The following MAP2K5 variants were observed in gnomAD, a reference collection of about 807,000 sequenced individuals.
MAP2K5 encodes the protein mitogen-activated protein kinase kinase 5, also known as dual specificity mitogen-activated protein kinase kinase 5.
A neutral mutation model predicts 83.1 loss-of-function variants in MAP2K5; 49 were observed. The observed-to-expected ratio is 0.59, with a 90% CI of 0.47 to 0.75. The LOEUF is 0.75. MAP2K5 is among the 30% of genes least tolerant of loss of function. The pLI is 0.00. For missense variants in MAP2K5, 457 were observed against 557.5 expected (o/e 0.82, Z 1.82); for synonymous variants, 202 against 191.8 (o/e 1.05, Z -0.44).
At chr15:67,628,570 G>A in intron 8 of MAP2K5, 1 of 1,198,552 alleles carries the variant, frequency 8.3e-7, no homozygotes, top group South Asian at 1.2e-5. Flanking sequence ...TGAAGTGATT[G>A]AAATCATGAC....
At chr15:67,692,231 T>C (rs1162866561) in intron 13 of MAP2K5, among the ~76,000 whole-genome samples, 1 of 152,210 alleles carries the variant, frequency 6.6e-6, no homozygotes, top group East Asian at 1.9e-4. Flanking sequence ...AAGGTTTGAT[T>C]TCACTGTCAC....
intron 13 of MAP2K5, among the ~76,000 whole-genome samples, chr15:67,678,821 G>A (rs1314784792): frequency 6.6e-6 from 1 of 151,986 alleles, no homozygotes; most frequent in Non-Finnish European, 1.5e-5. Flanking sequence ...AAAATTAGCG[G>A]GGCATGGTGG....
chr15:67,692,412 G>T (rs1783526615), intron 13 of MAP2K5, 67 bp from the exon 14 acceptor site: 2 of 1,086,640 alleles, frequency 1.8e-6, no homozygotes, highest in East Asian at 2.4e-5. Flanking sequence ...GTGCATGTGT[G>T]CTTTTAAAGA....
At chr15:67,699,789 T>C (rs1263682658) in intron 15 of MAP2K5, among the ~76,000 whole-genome samples, 1 of 152,154 alleles carries the variant, frequency 6.6e-6, no homozygotes, top group Non-Finnish European at 1.5e-5. Context: ...ACATAGTAGA[T>C]TTTTAAAGTC....
At chr15:67,632,374 A>G (rs1297269751) in intron 9 of MAP2K5, among the ~76,000 whole-genome samples, 1 of 152,230 alleles carries the variant, frequency 6.6e-6, no homozygotes, top group Non-Finnish European at 1.5e-5. Flanking sequence ...TCCTGGGATT[A>G]TAGGCATGAG....
At chr15:67,548,681 T>G (rs1357933967) in intron 1 of MAP2K5, among the ~76,000 whole-genome samples, 1 of 152,228 alleles carries the variant, frequency 6.6e-6, no homozygotes, top group Non-Finnish European at 1.5e-5. Context: ...GGATTGCCTG[T>G]GTGCTTTATT....
At chr15:67,643,499 T>C (rs2086762881) in intron 9 of MAP2K5, among the ~76,000 whole-genome samples, 1 of 152,186 alleles carries the variant, frequency 6.6e-6, no homozygotes, top group Admixed American at 6.5e-5. Context: ...CAGACTGGTG[T>C]GCAGTGGCGT....
In MAP2K5 at chr15:67,652,237, T is replaced by A. The variant is rs868797378; in HGVS notation, c.736+5768T>A. On this transcript the variant is annotated intron_variant, in intron 11 of 21. Transcript: ENST00000178640. The surrounding 1 kb of genome is among the most constrained non-coding windows in gnomAD (Gnocchi z 4.2). ...GTGTGTCATTAGTGCGTGTTTTTTT[T>A]AAATTATGATATAATACTCATACAA... is the stretch of plus-strand genomic sequence containing the variant. Among the ~76,000 whole-genome samples, 8 of 152,230 alleles carry A rather than the reference T, an allele frequency of 5.3e-5. No individual in the cohort carries two copies. In the South Asian group the frequency reaches 1.0e-3, roughly 20 times the overall value.
intron 2 of MAP2K5, among the ~76,000 whole-genome samples, chr15:67,551,305 A>G (rs1206945297): frequency 6.6e-6 from 1 of 152,198 alleles, no homozygotes; most frequent in African/African-American, 2.4e-5. Flanking sequence ...AATGCCCATC[A>G]AACAAAGTGT....
chr15:67,788,997 G>A (rs562857738), intron 21 of MAP2K5, among the ~76,000 whole-genome samples: 1 of 151,260 alleles, frequency 6.6e-6, no homozygotes, highest in South Asian at 2.1e-4. Context: ...AAATTACACA[G>A]TACAGAAGGA....
Position 67,685,366 on chromosome 15 carries a change from A to G in MAP2K5, c.848-7113A>G, listed in dbSNP as rs546319061. Among the ~76,000 whole-genome samples the G allele has an allele frequency of 2.0e-5, 3 of 152,338 alleles. No individual in the cohort carries two copies. The South Asian group carries it at 6.2e-4, about 32-fold the overall frequency. ...TGCCCAGCAAATACATTTTCCAAAA[A>G]TAAACAGCTAAATAAAGACTTTTTC... On this transcript the variant is annotated intron_variant, in intron 13 of 21. Coordinates refer to ENST00000178640, the MANE Select transcript of MAP2K5 (RefSeq NM_145160.3).
At position 67,600,716 on chromosome 15, in the gene MAP2K5, C is replaced by T. The variant is rs751430797; in HGVS notation, c.512C>T (p.Thr171Ile). 3.7e-6 allele frequency: 6 copies of T among 1,608,884 alleles called. No homozygotes were observed. Among genetic ancestry groups the T allele is most frequent in the South Asian group, 1.1e-5 (1 of 90,390 alleles). ...GAACAAGACATACGATATCGGGACA[C>T]TCTTGGTCATGGCAACGGAGGCACA... Reference protein sequence around the residue: ...MNEQDIRYRDTLGHGNGGTVY... With the variant: ...MNEQDIRYRDILGHGNGGTVY... The change falls in exon 8 of 22, where the codon ACT (threonine) becomes ATT (isoleucine). Residue 171 changes from threonine (T) to isoleucine (I), a missense_variant. Thr to Ile is a moderately conservative substitution (Grantham distance 89, BLOSUM62 -1). This residue lies in a region of MAP2K5 where 234 missense variants were observed against 243.6 expected (regional missense o/e 0.96). Coordinates refer to ENST00000178640, the MANE Select transcript of MAP2K5 (RefSeq NM_145160.3).
chr15:67,656,312 G>A (rs962811478), intron 11 of MAP2K5, among the ~76,000 whole-genome samples: 1 of 141,726 alleles, frequency 7.1e-6, no homozygotes, highest in Non-Finnish European at 1.5e-5. Flanking sequence ...GTCACGTCAT[G>A]GGGAAACCTT....
chr15:67,612,396 A>C (rs1029864016), intron 8 of MAP2K5, among the ~76,000 whole-genome samples: 3 of 152,182 alleles, frequency 2.0e-5, no homozygotes, highest in Non-Finnish European at 2.9e-5. Context: ...GTAACTCAAC[A>C]AAGGTATCTC....
In MAP2K5 at chr15:67,769,702, A is replaced by G; in HGVS notation, c.1196+39A>G. On this transcript the variant is annotated intron_variant, in intron 20 of 21. Transcript: ENST00000178640. The surrounding 1 kb of genome is among the most constrained non-coding windows in gnomAD (Gnocchi z 5.2). Reference sequence around the variant, plus strand: ...CAAACATGCCATGCCCTCAATGTAAATGATACATGCCATTAACTCGGCAGC... The same window carrying G: ...CAAACATGCCATGCCCTCAATGTAAGTGATACATGCCATTAACTCGGCAGC... 1 of 1,601,542 alleles carries G rather than the reference A, an allele frequency of 6.2e-7. No homozygotes were observed. The highest frequency in any genetic ancestry group is 8.6e-7 in the Non-Finnish European group (1 of 1,169,012).
chr15:67,600,780 TCCGC>T, intron 8 of MAP2K5, 31 bp downstream of exon 8: 1 of 1,544,604 alleles, frequency 6.5e-7, no homozygotes, highest in Non-Finnish European at 8.8e-7. Flanking sequence ...AAACTTTCTA[TCCGC>T]TTTTCCAAAT....
At chr15:67,567,972 A>C (rs2084874863) in intron 3 of MAP2K5, among the ~76,000 whole-genome samples, 2 of 152,178 alleles carry the variant, frequency 1.3e-5, no homozygotes, top group Non-Finnish European at 2.9e-5. Flanking sequence ...AAATTCAGCC[A>C]ATACATCTTG....
chr15:67,765,517 C>G (rs1380653966), intron 19 of MAP2K5, among the ~76,000 whole-genome samples: 2 of 152,092 alleles, frequency 1.3e-5, no homozygotes, highest in African/African-American at 4.8e-5. Flanking sequence ...ATTAATGACA[C>G]AGATTATTCT....
At position 67,555,210 on chromosome 15, in the gene MAP2K5, T is replaced by G. The variant is rs1201770785; in HGVS notation, c.184+5128T>G. 1.3e-5 allele frequency among the ~76,000 whole-genome samples: 2 copies of G among 152,216 alleles called. No homozygotes were observed. The highest frequency in any genetic ancestry group is 2.9e-5 in the Non-Finnish European group (2 of 68,032). On this transcript the variant is annotated intron_variant, in intron 2 of 21. Coordinates refer to ENST00000178640, the MANE Select transcript of MAP2K5 (RefSeq NM_145160.3). The surrounding 1 kb of genome is among the most constrained non-coding windows in gnomAD (Gnocchi z 5.2). ...GTACAAGCATGGCACTAGCATCTGC[T>G]TGCATTCTGCTGAGGAAGCTTTTAC...
Sources: gnomAD v4.1 joint callset for allele counts (sites outside exome capture counted in the v4.1 genomes callset) on GRCh38, gnomAD v4.1.1 for gene constraint, gnomAD v4.1.1 regional missense constraint, Gnocchi (gnomAD v3.1) non-coding constraint, MANE v1.5 for transcripts, NCBI Gene and HGNC (gene_info 2026-07-23, HGNC 2026-07-21) for gene names.